Variants in BBS5 observed in about 807,000 individuals in gnomAD.
BBS5 encodes Bardet-Biedl syndrome 5.
BBS5 carries 39 observed loss-of-function variants against 50.2 expected under a neutral mutation model. The observed-to-expected ratio is 0.78, with a 90% CI of 0.60 to 1.01. The LOEUF (loss-of-function observed/expected upper bound fraction) is 1.01. Among genes scored for constraint, BBS5 ranks in the 50% least tolerant of loss-of-function variants. The pLI is 0.00. For synonymous variants in BBS5, 134 were observed against 133.1 expected (o/e 1.01, Z -0.05); for missense variants, 356 against 401.5 (o/e 0.89, Z 0.97).
chr2:169,505,953 TGGG>T lies in BBS5; in HGVS notation c.*1376_*1378del, dbSNP rs376640677. 2.0e-5 allele frequency: 1 copy of T among 49,250 alleles called. No individual in the cohort carries two copies. The highest frequency in any genetic ancestry group is 3.0e-4 in the Admixed American group (1 of 3,336). The allele number at this position is 49,250 out of a possible 1,614,324, so 3.1% of individuals were successfully genotyped here. A position where few individuals can be genotyped will look rare whatever the true frequency, so the allele number is the denominator to read the frequency against. ...CCAGCCACCCCGTCCGGGAGGGAGG[TGGG>T]GGGGTCAGCCCCCCGCCCGGCCAGC... On this transcript the variant is annotated 3_prime_UTR_variant, in exon 12 of 12. Transcript: ENST00000295240.
intron 2 of BBS5, among the ~76,000 whole-genome samples, chr2:169,483,416 A>G (rs1683435412): frequency 6.6e-6 from 1 of 152,138 alleles, no homozygotes; most frequent in Admixed American, 6.5e-5. Flanking sequence ...TCGGCCTCCC[A>G]AAGTGCTGAG....
At chr2:169,497,462 G>T (rs1683712498) in intron 7 of BBS5, among the ~76,000 whole-genome samples, 165 bp from the exon 8 acceptor site, 1 of 152,110 alleles carries the variant, frequency 6.6e-6, no homozygotes, top group Non-Finnish European at 1.5e-5. Flanking sequence ...TATGAGTCTT[G>T]TTTCTTTTAC....
At chr2:169,490,996 G>GTAT (rs1412786748) in intron 5 of BBS5, among the ~76,000 whole-genome samples, 2 of 152,156 alleles carry the variant, frequency 1.3e-5, no homozygotes, top group African/African-American at 4.8e-5. Flanking sequence ...AGTAGTAGTA[G>GTAT]TTCATTCCTT....
intron 2 of BBS5, among the ~76,000 whole-genome samples, chr2:169,483,191 C>G (rs987655316): frequency 6.6e-6 from 1 of 152,160 alleles, no homozygotes; most frequent in Non-Finnish European, 1.5e-5. Flanking sequence ...TACTGTAGCC[C>G]TTTGAGTGGC....
At chr2:169,490,444 C>T (rs1487947312) in intron 5 of BBS5, among the ~76,000 whole-genome samples, 1 of 152,084 alleles carries the variant, frequency 6.6e-6, no homozygotes, top group East Asian at 1.9e-4. Context: ...TCTCGATCTC[C>T]TGACCTTGTG....
At position 169,505,225 on chromosome 2, in the gene BBS5, G is replaced by A. The variant is rs111567263; in HGVS notation, c.*643G>A. On this transcript the variant is annotated 3_prime_UTR_variant, in exon 12 of 12. Coordinates refer to ENST00000295240, the MANE Select transcript of BBS5 (RefSeq NM_152384.3). ...GCCAGCCTCGGCCTCCCGAGGTGCC[G>A]GGATTGCAGACGGAGTCTGGTTCAC... 1.8e-5 allele frequency: 9 copies of A among 490,596 alleles called. No individual in the cohort carries two copies. Among genetic ancestry groups the A allele is most frequent in the African/African-American group, 5.9e-5 (3 of 51,082 alleles). The allele number at this position is 490,596 out of a possible 1,614,324, so 30.4% of individuals were successfully genotyped here.
chr2:169,480,240 C>A (rs545924315), intron 1 of BBS5, among the ~76,000 whole-genome samples: 9 of 152,120 alleles, frequency 5.9e-5, no homozygotes, highest in Non-Finnish European at 1.0e-4. Flanking sequence ...AATTATCATA[C>A]ATTAAATAGA....
chr2:169,505,131 T>C lies in BBS5; in HGVS notation c.*549T>C. The C allele has an allele frequency of 2.6e-6, 2 of 783,416 alleles. No homozygotes were observed. The highest frequency in any genetic ancestry group is 3.1e-5 in the South Asian group (2 of 64,138). 48.5% of individuals were successfully genotyped at this position (783,416 alleles called of 1,614,324 possible). The stretch of plus-strand genomic sequence containing the variant: ...CGCCACACCTGACTGGTTTTCGTAT[T>C]TTTTTGGTGGAGACGGGGTTTCGCT... On this transcript the variant is annotated 3_prime_UTR_variant, in exon 12 of 12. Coordinates refer to ENST00000295240, the MANE Select transcript of BBS5 (RefSeq NM_152384.3).
rs148042741 is a variant in BBS5, at chr2:169,497,592, A to C, written c.619-35A>C. 1.5e-4 allele frequency: 188 copies of C among 1,287,782 alleles called. No individual in the cohort carries two copies. Among genetic ancestry groups the C allele is most frequent in the Admixed American group, 1.5e-4 (9 of 58,846 alleles). 79.8% of individuals were successfully genotyped at this position (1,287,782 alleles called of 1,614,324 possible). The stretch of plus-strand genomic sequence containing the variant: ...AAAGAGTCACTATTCAGTTAATAAA[A>C]ACTTGCATGTTTTTCTTTTTCATTT... On this transcript the variant is annotated intron_variant, in intron 7 of 11. Coordinates refer to ENST00000295240, the MANE Select transcript of BBS5 (RefSeq NM_152384.3).
In BBS5 at chr2:169,479,558, C is replaced by T. The variant is rs944222707; in HGVS notation, c.5C>T (p.Ser2Leu). 5.0e-6 allele frequency: 8 copies of T among 1,614,038 alleles called. No individual in the cohort carries two copies. The highest frequency in any genetic ancestry group is 6.8e-6 in the Non-Finnish European group (8 of 1,180,006). ...CTGCCACGGGCCTTGTTCACCATGT[C>T]GGTGCTGGATGCGCTTTGGGAGGAT... M[S>L]VLDALWEDRD... The change falls in exon 1 of 12, where the codon TCG becomes TTG. Residue 2 changes from serine (S) to leucine (L), a missense_variant. By Grantham distance (145) the Ser-to-Leu change is moderately radical (BLOSUM62 -2). Coordinates refer to ENST00000295240, the MANE Select transcript of BBS5 (RefSeq NM_152384.3).
At chr2:169,492,266 C>T (rs1683613608) in intron 5 of BBS5, among the ~76,000 whole-genome samples, 1 of 151,450 alleles carries the variant, frequency 6.6e-6, no homozygotes, top group Non-Finnish European at 1.5e-5. Context: ...CCGAGGCGGG[C>T]AGATCACGAG....
chr2:169,499,457 G>GTT, intron 8 of BBS5, 29 bp from the exon 9 acceptor site: 1 of 1,567,510 alleles, frequency 6.4e-7, no homozygotes, highest in Non-Finnish European at 8.7e-7. Flanking sequence ...GACTTGTTGG[G>GTT]TTTTTTTTTA....
rs1013662469 is a variant in BBS5, at chr2:169,504,982, T to C, written c.*400T>C. The C allele has an allele frequency of 1.2e-6, 2 of 1,612,596 alleles. No homozygotes were observed. Among genetic ancestry groups the C allele is most frequent in the African/African-American group, 2.7e-5 (2 of 74,918 alleles). ...ACGTGTGCTTTTTCAAGGGAGCTGA[T>C]AAAGAACTTCTTCCCAAAATGGCCG... On this transcript the variant is annotated 3_prime_UTR_variant, in exon 12 of 12. Transcript: ENST00000295240.
Position 169,505,166 on chromosome 2 carries a change from G to C in BBS5, c.*584G>C, listed in dbSNP as rs936295668. 1.6e-6 allele frequency: 1 copy of C among 612,458 alleles called. No individual in the cohort carries two copies. The highest frequency in any genetic ancestry group is 2.9e-6 in the Non-Finnish European group (1 of 342,804). 37.9% of individuals were successfully genotyped at this position (612,458 alleles called of 1,614,324 possible). ...GAGACGGGGTTTCGCTGTGTTGGCC[G>C]GGCTGGTCTCCAGCTCCTAACCGCG... On this transcript the variant is annotated 3_prime_UTR_variant, in exon 12 of 12. Transcript: ENST00000295240.
chr2:169,501,880 C>T (rs1479623421), intron 9 of BBS5, among the ~76,000 whole-genome samples: 1 of 152,166 alleles, frequency 6.6e-6, no homozygotes, highest in Non-Finnish European at 1.5e-5. Context: ...TTCGTTTGTT[C>T]TCTTCTCCTG....
chr2:169,505,810 CAG>C lies in BBS5; in HGVS notation c.*1229_*1230del, dbSNP rs1683904393. 6.0e-6 allele frequency: 1 copy of C among 167,992 alleles called. No individual in the cohort carries two copies. Among genetic ancestry groups the C allele is most frequent in the African/African-American group, 2.4e-5 (1 of 41,384 alleles). 10.4% of individuals were successfully genotyped at this position (167,992 alleles called of 1,614,324 possible). On this transcript the variant is annotated 3_prime_UTR_variant, in exon 12 of 12. Coordinates refer to ENST00000295240, the MANE Select transcript of BBS5 (RefSeq NM_152384.3). ...GGAGCGTCTCCGCCCGGCAGCCACC[CAG>C]TCCGGGAGGGAGGTGGGGGGGTCAG...
chr2:169,493,694 G>A (rs1192429327), intron 6 of BBS5, 47 bp from the exon 7 acceptor site: 15 of 1,287,174 alleles, frequency 1.2e-5, no homozygotes, highest in Non-Finnish European at 1.6e-5. Flanking sequence ...TAAAGAATAG[G>A]TACCAAAAAA....
At chr2:169,501,047 T>C (rs1683792274) in intron 9 of BBS5, among the ~76,000 whole-genome samples, 3 of 152,218 alleles carry the variant, frequency 2.0e-5, no homozygotes, top group Admixed American at 6.5e-5. Context: ...AATTTCTTAT[T>C]TCAGATTTAT....
intron 2 of BBS5, among the ~76,000 whole-genome samples, chr2:169,486,518 G>T (rs1400550774): frequency 6.6e-6 from 1 of 152,142 alleles, no homozygotes; most frequent in Non-Finnish European, 1.5e-5. Flanking sequence ...AGATCAAAAA[G>T]TATAAAGCCT....
Sources: allele counts gnomAD v4.1 joint callset (sites outside exome capture counted in the v4.1 genomes callset), GRCh38; gene constraint gnomAD v4.1.1; transcripts MANE v1.5; gene names NCBI Gene and HGNC (gene_info 2026-07-23, HGNC 2026-07-21).